Variants in AMMECR1 observed in about 807,000 individuals in gnomAD.
The protein encoded by AMMECR1 is nuclear protein AMMECR1.
In AMMECR1, 3 loss-of-function variants were observed where a neutral mutation model predicts 22.5. The observed-to-expected ratio is 0.13, with a 90% confidence interval of 0.06 to 0.35. AMMECR1 has a LOEUF of 0.35. Ranked by LOEUF, AMMECR1 falls within the 10% of genes least tolerant of loss-of-function variation. AMMECR1 has a pLI of 1.00. For synonymous variants in AMMECR1, 130 were observed against 116.7 expected, an observed-to-expected ratio of 1.11 and a Z score of -0.74; for missense variants, 235 against 278.7, an observed-to-expected ratio of 0.84 and a Z score of 1.12.
At chrX:110,359,897 G>A (rs1409340010) in intron 2 of AMMECR1, among the ~76,000 whole-genome samples, 2 of 111,971 alleles carry the variant, frequency 1.8e-5, no homozygotes, top group East Asian at 5.6e-4. Flanking sequence ...TGGCATAGAA[G>A]GGTACTTAGA....
chrX:110,360,539 G>A (rs750719682), intron 2 of AMMECR1, among the ~76,000 whole-genome samples: 4 of 111,716 alleles, frequency 3.6e-5, no homozygotes, highest in Non-Finnish European at 7.5e-5. Context: ...AGGTAAAAAT[G>A]TCAGGGTTTG....
intron 2 of AMMECR1, among the ~76,000 whole-genome samples, chrX:110,262,494 T>A (rs934069297): frequency 1.4e-4 from 16 of 112,486 alleles, no homozygotes; most frequent in African/African-American, 4.5e-4. Flanking sequence ...CAACTTCAAG[T>A]ATTTGAACAA....
rs1218323327 is a variant in AMMECR1 at position 110,198,091 on chromosome X, A to G, written c.*429T>C. 8.9e-6 allele frequency: 1 copy of G among 111,971 alleles called. No homozygotes were observed. The highest frequency in any genetic ancestry group is 3.3e-5 in the African/African-American group (1 of 30,500). The allele number at this position is 111,971 out of a possible 1,213,427, so 9.2% of individuals were successfully genotyped here. A position where few individuals can be genotyped will look rare whatever the true frequency, so the allele number is the denominator to read the frequency against. On this transcript the variant is annotated 3_prime_UTR_variant, in exon 6 of 6. Transcript: ENST00000262844. ...AAAGACGAACCTAAGTAAAATCCCT[A>G]AAAACTGCACACTTTCTTCCATCCA...
chrX:110,335,858 G>A (rs2068139226), intron 2 of AMMECR1, among the ~76,000 whole-genome samples: 1 of 111,791 alleles, frequency 8.9e-6, no homozygotes, highest in Non-Finnish European at 1.9e-5. Flanking sequence ...CTTGTTTAGT[G>A]GGGAGACTAG....
intron 1 of AMMECR1, among the ~76,000 whole-genome samples, chrX:110,315,245 A>T (rs2068042567): frequency 8.9e-6 from 1 of 112,244 alleles, no homozygotes; most frequent in South Asian, 3.7e-4. Context: ...AGTTTTCCTG[A>T]ATTTTCCACA....
At chrX:110,430,517 G>A (rs2068788876) in intron 1 of AMMECR1, among the ~76,000 whole-genome samples, 1 of 111,818 alleles carries the variant, frequency 8.9e-6, no homozygotes, top group African/African-American at 3.3e-5. Context: ...TATGAACCCA[G>A]GCACCCTAGA....
intron 3 of AMMECR1, among the ~76,000 whole-genome samples, chrX:110,204,080 C>G (rs958154279): frequency 9.0e-6 from 1 of 111,475 alleles, no homozygotes; most frequent in Non-Finnish European, 1.9e-5. Flanking sequence ...GCTTAGCTAT[C>G]AGGCATTTCC....
At chrX:110,409,064 C>G (rs1003172547) in intron 2 of AMMECR1, among the ~76,000 whole-genome samples, 3 of 111,502 alleles carry the variant, frequency 2.7e-5, no homozygotes, top group Non-Finnish European at 5.7e-5. Context: ...GTTTTGCTTC[C>G]GTTTGGCCTA....
chrX:110,320,012 A>G (rs1044841390), upstream of AMMECR1, among the ~76,000 whole-genome samples: 1 of 112,521 alleles, frequency 8.9e-6, no homozygotes, highest in African/African-American at 3.2e-5. Flanking sequence ...TTTATGAGAT[A>G]GATAGATGAA....
At chrX:110,286,285 G>C (rs2067879232) in intron 1 of AMMECR1, among the ~76,000 whole-genome samples, 1 of 111,345 alleles carries the variant, frequency 9.0e-6, no homozygotes, top group South Asian at 3.8e-4. Flanking sequence ...CATGACTAAA[G>C]AACTGCATAG....
At chrX:110,353,042 G>A (rs2068217040) in intron 2 of AMMECR1, among the ~76,000 whole-genome samples, 1 of 111,787 alleles carries the variant, frequency 8.9e-6, no homozygotes, top group Admixed American at 9.5e-5. Context: ...ATTTAGTCTT[G>A]GTAGGTTGCA....
At chrX:110,310,203 G>A (rs2068017436) in intron 1 of AMMECR1, among the ~76,000 whole-genome samples, 1 of 111,384 alleles carries the variant, frequency 9.0e-6, no homozygotes. Flanking sequence ...GCCAACACTT[G>A]GAACTACACA....
intron 1 of AMMECR1, among the ~76,000 whole-genome samples, chrX:110,311,310 C>T (rs1458176423): frequency 8.9e-6 from 1 of 112,015 alleles, no homozygotes; most frequent in East Asian, 2.8e-4. Flanking sequence ...TATTCCATGT[C>T]ATTTCCATGT....
At chrX:110,230,875 C>T (rs760113435) in intron 2 of AMMECR1, among the ~76,000 whole-genome samples, 1 of 111,713 alleles carries the variant, frequency 9.0e-6, no homozygotes, top group Non-Finnish European at 1.9e-5. Flanking sequence ...ACGAGAACTT[C>T]GTGACACATG....
At chrX:110,391,959 A>G (rs1452199486) in intron 2 of AMMECR1, among the ~76,000 whole-genome samples, 1 of 112,179 alleles carries the variant, frequency 8.9e-6, no homozygotes, top group Non-Finnish European at 1.9e-5. Context: ...TTACCAATGA[A>G]CTCTGTTCAA....
intron 2 of AMMECR1, among the ~76,000 whole-genome samples, chrX:110,245,135 T>C (rs1489238617): frequency 8.9e-6 from 1 of 112,118 alleles, no homozygotes; most frequent in African/African-American, 3.2e-5. Flanking sequence ...TCACTGCTCC[T>C]TGCTGCAGCT....
chrX:110,318,764 A>C (rs2148228523), upstream of AMMECR1, among the ~76,000 whole-genome samples: 1 of 111,848 alleles, frequency 8.9e-6, no homozygotes, highest in African/African-American at 3.2e-5. Context: ...GCCTAAGCAC[A>C]CACCAGGGTA....
At chrX:110,250,085 A>G (rs1298388100) in intron 2 of AMMECR1, among the ~76,000 whole-genome samples, 1 of 112,498 alleles carries the variant, frequency 8.9e-6, no homozygotes, top group Non-Finnish European at 1.9e-5. Flanking sequence ...TAACTCAAGA[A>G]TAAATCTTTA....
chrX:110,273,447 TTC>T (rs1249798735), intron 1 of AMMECR1, among the ~76,000 whole-genome samples: 1 of 112,275 alleles, frequency 8.9e-6, no homozygotes, highest in African/African-American at 3.2e-5. Flanking sequence ...GTTCTGTAGG[TTC>T]TCTGTTTACT....
Sources: gnomAD v4.1 joint callset for allele counts (sites outside exome capture counted in the v4.1 genomes callset) on GRCh38, gnomAD v4.1.1 for gene constraint, MANE v1.5 for transcripts, NCBI Gene and HGNC (gene_info 2026-07-23, HGNC 2026-07-21) for gene names.